The following ASAH1 variants were observed in gnomAD, a reference collection of about 807,000 sequenced individuals.
The protein encoded by ASAH1 is acid ceramidase.
Under a neutral mutation model 59.5 loss-of-function variants are expected in ASAH1, and 70 were observed. The observed-to-expected ratio is 1.18, with a 90% CI of 0.97 to 1.43. The LOEUF (loss-of-function observed/expected upper bound fraction) is 1.43. ASAH1 is among the 40% of genes most tolerant of loss of function. The probability of loss-of-function intolerance (pLI) is 0.00; values close to 1 mark genes in which losing one functional copy is unlikely to be tolerated. For synonymous variants in ASAH1, 213 were observed against 166.5 expected, an observed-to-expected ratio of 1.28 and a Z score of -2.15; for missense variants, 660 against 482.5, an observed-to-expected ratio of 1.37 and a Z score of -3.45.
At chr8:18,082,625 C>T (rs1302847037) in intron 1 of ASAH1, 1 of 152,220 alleles carries the variant, frequency 6.6e-6, no homozygotes, top group Non-Finnish European at 1.5e-5. Flanking sequence ...TAACAGCATT[C>T]TATCTACAGC....
chr8:18,068,138 A>T (rs1328960890), intron 4 of ASAH1: 1 of 152,224 alleles, frequency 6.6e-6, no homozygotes, highest in Non-Finnish European at 1.5e-5. Context: ...TATGTCATTT[A>T]ACCCTTACAA....
intron 10 of ASAH1, chr8:18,060,826 C>T (rs35305827): frequency 0.32 from 51,851 of 159,978 alleles, 9,015 homozygotes; most frequent in South Asian, 0.48. Context: ...CAGCTCACTG[C>T]AGTCTCGACC....
rs553021299 is a variant in ASAH1, at chr8:18,056,573, T to C, written c.*961A>G. On this transcript the variant is annotated 3_prime_UTR_variant, in exon 14 of 14. Transcript: ENST00000637790. ...CAGTTAATCGTGAAGGTTAGAAAGG[T>C]TAACAAGTTCTATTAGTACTTTTCA... is the stretch of plus-strand genomic sequence containing the variant. 2 of 152,328 alleles carry C rather than the reference T, an allele frequency of 1.3e-5. No homozygotes were observed. The highest frequency in any genetic ancestry group is 2.9e-5 in the Non-Finnish European group (2 of 68,036). The allele number at this position is 152,328 out of a possible 1,614,324, so 9.4% of individuals were successfully genotyped here.
chr8:18,075,002 C>CTTTTTTTT (rs1179307675), intron 2 of ASAH1, among the ~76,000 whole-genome samples: 1 of 140,276 alleles, frequency 7.1e-6, no homozygotes, highest in Non-Finnish European at 1.6e-5. Flanking sequence ...AAATCCTTTC[C>CTTTTTTTT]TTTTTTTTTT....
At chr8:18,059,544 C>T in intron 11 of ASAH1, 28 bp downstream of exon 11, 5 of 1,614,156 alleles carry the variant, frequency 3.1e-6, no homozygotes, top group South Asian at 2.2e-5. Flanking sequence ...TTTGTTTCTA[C>T]TTCTTTTGCT....
chr8:18,078,935 CT>C (rs1278938729), intron 1 of ASAH1, among the ~76,000 whole-genome samples: 5 of 152,072 alleles, frequency 3.3e-5, no homozygotes, highest in African/African-American at 9.7e-5. Flanking sequence ...CCTCAGTGGT[CT>C]CCTAAGAGTG....
At chr8:18,066,458 C>T (rs1485331450) in intron 5 of ASAH1, 1 of 146,350 alleles carries the variant, frequency 6.8e-6, no homozygotes. Context: ...ACTGTTCAAT[C>T]TCATTAATCA....
At chr8:18,067,117 T>TCTAAGACATACATCACCTGTGCTGTATAA in intron 5 of ASAH1, 103 bp downstream of exon 5, 1 of 534,344 alleles carries the variant, frequency 1.9e-6, no homozygotes. Flanking sequence ...GTGCTGTATA[T>TCTAAGACATACATCACCTGTGCTGTATAA]CTAAGACATA....
intron 1 of ASAH1, chr8:18,082,409 G>A (rs1244047483): frequency 6.6e-6 from 1 of 152,034 alleles, no homozygotes; most frequent in East Asian, 1.9e-4. Context: ...TTTTCCTCCT[G>A]GACATCAACA....
chr8:18,080,041 G>A (rs187365691), intron 1 of ASAH1, among the ~76,000 whole-genome samples: 3 of 152,332 alleles, frequency 2.0e-5, no homozygotes, highest in African/African-American at 7.2e-5. Context: ...TAGTAGGCAA[G>A]CAGTATTTGT....
intron 2 of ASAH1, chr8:18,073,332 A>G: frequency 1.4e-6 from 2 of 1,457,162 alleles, no homozygotes; most frequent in Non-Finnish European, 1.9e-6. Context: ...TATTCAATCA[A>G]CAGTAGTCAT....
chr8:18,082,299 AG>A (rs1230419535), intron 1 of ASAH1, among the ~76,000 whole-genome samples: 1 of 152,216 alleles, frequency 6.6e-6, no homozygotes, highest in Non-Finnish European at 1.5e-5. Context: ...TTGAGAAAGA[AG>A]AAAAAACAGC....
chr8:18,074,625 C>G (rs1800314417), intron 2 of ASAH1, among the ~76,000 whole-genome samples: 1 of 152,166 alleles, frequency 6.6e-6, no homozygotes, highest in Non-Finnish European at 1.5e-5. Flanking sequence ...CTTCTTTTCT[C>G]TGTTCTGTAC....
In ASAH1 at chr8:18,063,264, G is replaced by C. The variant is rs753861068; in HGVS notation, c.458-34C>G. The C allele has an allele frequency of 7.1e-6, 11 of 1,547,892 alleles. No individual in the cohort carries two copies. In the Admixed American group the frequency reaches 8.4e-5, roughly 12 times the overall value. On this transcript the variant is annotated intron_variant, in intron 6 of 13. Coordinates refer to ENST00000637790, the MANE Select transcript of ASAH1 (RefSeq NM_177924.5). ...AGGTAGACAGAAGAGACGTGTAATA[G>C]CAGTTAAGATTCTAAATCAAAGCTG...
At chr8:18,076,788 G>A (rs1159140466) in intron 1 of ASAH1, 1 of 152,164 alleles carries the variant, frequency 6.6e-6, no homozygotes, top group African/African-American at 2.4e-5. Flanking sequence ...CTGCTGGACA[G>A]CTGTGTAAGA....
chr8:18,073,251 T>G (rs1387503100), intron 2 of ASAH1: 3 of 1,576,274 alleles, frequency 1.9e-6, no homozygotes, highest in Non-Finnish European at 2.6e-6. Flanking sequence ...TAAAAGAGTA[T>G]CCACCTTATA....
chr8:18,067,141 G>GTC, intron 5 of ASAH1, 79 bp downstream of exon 5: 10 of 1,163,066 alleles, frequency 8.6e-6, no homozygotes, highest in African/African-American at 1.5e-5. Flanking sequence ...CACCTGTGCT[G>GTC]TATGTATATC....
intron 1 of ASAH1, among the ~76,000 whole-genome samples, chr8:18,082,087 A>T (rs1196530003): frequency 6.6e-6 from 1 of 152,250 alleles, no homozygotes; most frequent in Non-Finnish European, 1.5e-5. Context: ...TAACATTCTA[A>T]ATTAATAATT....
intron 2 of ASAH1, among the ~76,000 whole-genome samples, chr8:18,075,089 G>A (rs373432777): frequency 0.032 from 4,542 of 141,876 alleles, 142 homozygotes; most frequent in Admixed American, 0.051. Context: ...TCCGCCTCCC[G>A]GGTTCACGCC....
Sources: allele counts gnomAD v4.1 joint callset (sites outside exome capture counted in the v4.1 genomes callset), GRCh38; gene constraint gnomAD v4.1.1; transcripts MANE v1.5; gene names NCBI Gene and HGNC (gene_info 2026-07-23, HGNC 2026-07-21).